The following ADAMTS10 variants were observed in gnomAD, a reference collection of about 807,000 sequenced individuals.
ADAMTS10 encodes A disintegrin and metalloproteinase with thrombospondin motifs 10.
A neutral mutation model predicts 135.9 loss-of-function variants in ADAMTS10; 48 were observed. That is an observed-to-expected ratio of 0.35 (90% CI 0.28 to 0.45). The LOEUF (loss-of-function observed/expected upper bound fraction) is 0.45. ADAMTS10 is among the 20% of genes least tolerant of loss of function. The pLI is 1.00. For synonymous variants in ADAMTS10, 621 were observed against 647.5 expected (o/e 0.96, Z 0.62); for missense variants, 1,131 against 1,565.2 (o/e 0.72, Z 4.68).
intron 25 of ADAMTS10, among the ~76,000 whole-genome samples, chr19:8,582,948 C>A (rs1308173341): frequency 1.3e-5 from 2 of 152,120 alleles, no homozygotes; most frequent in Admixed American, 6.6e-5. Context: ...CCACGCCCAG[C>A]CTAATTTTAT....
intron 25 of ADAMTS10, among the ~76,000 whole-genome samples, chr19:8,581,946 G>C (rs898260821): frequency 5.3e-5 from 8 of 151,910 alleles, no homozygotes; most frequent in African/African-American, 1.9e-4. Context: ...CTGGAGGATC[G>C]CTTGAGCCCA....
At chr19:8,602,379 C>T (rs190900944) in intron 5 of ADAMTS10, among the ~76,000 whole-genome samples, 1 of 152,020 alleles carries the variant, frequency 6.6e-6, no homozygotes, top group Non-Finnish European at 1.5e-5. Flanking sequence ...AGTGCAATGG[C>T]GAAATCTCAA....
rs2042606878 is a variant in ADAMTS10, at chr19:8,596,479, C to T, written c.1084+63G>A. On this transcript the variant is annotated intron_variant, in intron 9 of 25. Transcript: ENST00000597188. This position sits in a 1 kb window ranked among gnomAD's most constrained non-coding sequence, Gnocchi z 7.2. ...GACGGTGCTGGCTGGCCCCATCCAC[C>T]TGCCAGGTCTCACCCCAGCCCACTG... 3.1e-6 allele frequency: 5 copies of T among 1,612,436 alleles called. No individual in the cohort carries two copies. The Admixed American group carries it at 6.7e-5, about 22-fold the overall frequency.
At chr19:8,584,838 CTG>C in intron 25 of ADAMTS10, 55 bp downstream of exon 25, 2 of 1,544,616 alleles carry the variant, frequency 1.3e-6, no homozygotes, top group South Asian at 2.4e-5. Context: ...CCAATGCCCT[CTG>C]TGGCTGCCTC....
At chr19:8,586,528 G>T in intron 20 of ADAMTS10, 30 bp downstream of exon 20, 2 of 1,613,070 alleles carry the variant, frequency 1.2e-6, no homozygotes, top group Non-Finnish European at 1.7e-6. Flanking sequence ...AATTCCAAAG[G>T]CTGCACCTTG....
intron 22 of ADAMTS10, among the ~76,000 whole-genome samples, 193 bp from the exon 23 acceptor site, chr19:8,585,853 C>T (rs2146040871): frequency 6.6e-6 from 1 of 152,268 alleles, no homozygotes; most frequent in East Asian, 1.9e-4. Flanking sequence ...GGTGCATTAC[C>T]CTAAGGAGAA....
At chr19:8,595,628 G>T in intron 12 of ADAMTS10, 134 bp downstream of exon 12, 2 of 1,396,374 alleles carry the variant, frequency 1.4e-6, no homozygotes, top group Non-Finnish European at 9.9e-7. Context: ...AGGTCACCAT[G>T]GGGGCTCACC....
chr19:8,590,510 G>T (rs2042509008), intron 15 of ADAMTS10, among the ~76,000 whole-genome samples: 1 of 151,994 alleles, frequency 6.6e-6, no homozygotes, highest in Non-Finnish European at 1.5e-5. Context: ...CCTAGTTGGA[G>T]TGCAGTGACA....
intron 22 of ADAMTS10, 121 bp downstream of exon 22, chr19:8,586,001 C>G: frequency 6.6e-7 from 1 of 1,511,106 alleles, no homozygotes; most frequent in Non-Finnish European, 9.0e-7. Context: ...CTGCAGCACT[C>G]GGCCCACTGT....
intron 18 of ADAMTS10, 103 bp downstream of exon 18, chr19:8,589,139 G>A: frequency 4.4e-6 from 7 of 1,578,438 alleles, no homozygotes; most frequent in African/African-American, 1.3e-5. Context: ...GGGGCCCCTG[G>A]GGTCTGAGGA....
At position 8,585,069 on chromosome 19, in the gene ADAMTS10, C is replaced by A; in HGVS notation, c.3043-15G>T. 7.8e-7 allele frequency: 1 copy of A among 1,285,062 alleles called. No individual in the cohort carries two copies. Among genetic ancestry groups the A allele is most frequent in the Non-Finnish European group, 1.1e-6 (1 of 951,180 alleles). 79.6% of individuals were successfully genotyped at this position (1,285,062 alleles called of 1,614,324 possible). A position where few individuals can be genotyped will look rare whatever the true frequency, so the allele number is the denominator to read the frequency against. On this transcript the variant is annotated splice_polypyrimidine_tract_variant and intron_variant, in intron 24 of 25. Transcript: ENST00000597188. Reference sequence around the variant, plus strand: ...TGTGCAGAGCACTGCGAGGGGGCACCACTCAGTTGCTGCCCCGCAGCCCCT... The same window carrying A: ...TGTGCAGAGCACTGCGAGGGGGCACAACTCAGTTGCTGCCCCGCAGCCCCT...
rs374050759 is a variant in ADAMTS10, at chr19:8,605,600, C to T, written c.88+23G>A. The T allele has an allele frequency of 1.1e-5, 17 of 1,611,562 alleles. No individual in the cohort carries two copies. The highest frequency in any genetic ancestry group is 1.7e-4 in the Middle Eastern group (1 of 6,056). On this transcript the variant is annotated intron_variant, in intron 3 of 25. Coordinates refer to ENST00000597188, the MANE Select transcript of ADAMTS10 (RefSeq NM_030957.4). This position sits in a 1 kb window ranked among gnomAD's most constrained non-coding sequence, Gnocchi z 7.7. Reference sequence around the variant, plus strand: ...CTTACATTTTTCGCTCCCTCCCCACCGCCACCACCAGACTTCCCCTACCTT... The same window carrying T: ...CTTACATTTTTCGCTCCCTCCCCACTGCCACCACCAGACTTCCCCTACCTT...
chr19:8,600,897 G>A, intron 6 of ADAMTS10, 31 bp downstream of exon 6: 1 of 1,613,016 alleles, frequency 6.2e-7, no homozygotes. Flanking sequence ...AGTCCTCAGG[G>A]CTGCGTGCCC....
Position 8,596,492 on chromosome 19 carries a change from C to T in ADAMTS10, c.1084+50G>A. 1 of 1,613,594 alleles carries T rather than the reference C, an allele frequency of 6.2e-7. No homozygotes were observed. The highest frequency in any genetic ancestry group is 8.5e-7 in the Non-Finnish European group (1 of 1,179,620). On this transcript the variant is annotated intron_variant, in intron 9 of 25. Transcript: ENST00000597188. This position sits in a 1 kb window ranked among gnomAD's most constrained non-coding sequence, Gnocchi z 7.2. ...GGCCCCATCCACCTGCCAGGTCTCA[C>T]CCCAGCCCACTGCCTTCATAGGCGC... is the stretch of plus-strand genomic sequence containing the variant.
chr19:8,592,386 TG>T (rs1244603382), intron 13 of ADAMTS10, among the ~76,000 whole-genome samples: 1 of 147,054 alleles, frequency 6.8e-6, no homozygotes, highest in African/African-American at 2.5e-5. Flanking sequence ...GGCTTCAGGC[TG>T]GGGAGGGGAG....
chr19:8,596,262 G>T lies in ADAMTS10; in HGVS notation c.1191-43C>A. 6.2e-7 allele frequency: 1 copy of T among 1,612,616 alleles called. No homozygotes were observed. Among genetic ancestry groups the T allele is most frequent in the Non-Finnish European group, 8.5e-7 (1 of 1,179,994 alleles). Reference sequence around the variant, plus strand: ...GGCTCTGCCGGGCGCTGAGGGACCCGCCCAGCTCCTCCCCTCCTCCCCCTC... The same window carrying T: ...GGCTCTGCCGGGCGCTGAGGGACCCTCCCAGCTCCTCCCCTCCTCCCCCTC... On this transcript the variant is annotated intron_variant, in intron 10 of 25. Coordinates refer to ENST00000597188, the MANE Select transcript of ADAMTS10 (RefSeq NM_030957.4). The surrounding 1 kb of genome is among the most constrained non-coding windows in gnomAD (Gnocchi z 7.2).
rs368465218 is a variant in ADAMTS10 at position 8,592,874 on chromosome 19, C to A, written c.1480-4G>T. The A allele has an allele frequency of 1.0e-4, 168 of 1,609,424 alleles. No homozygotes were observed. The highest frequency in any genetic ancestry group is 1.4e-4 in the Non-Finnish European group (160 of 1,179,338). ...ACCACAGCTCGCTGCAGACCTCCTG[C>A]GGGCCGAGGTGCCCGCTCAGGCTCG... On this transcript the variant is annotated splice_polypyrimidine_tract_variant and splice_region_variant and intron_variant, in intron 12 of 25. Transcript: ENST00000597188.
chr19:8,594,803 G>A (rs1192202501), intron 12 of ADAMTS10, among the ~76,000 whole-genome samples: 1 of 152,188 alleles, frequency 6.6e-6, no homozygotes, highest in Non-Finnish European at 1.5e-5. Context: ...GGATACCTGG[G>A]TCACAGCAGA....
chr19:8,609,263 C>T (rs929379099), intron 1 of ADAMTS10, among the ~76,000 whole-genome samples: 6 of 134,262 alleles, frequency 4.5e-5, no homozygotes, highest in African/African-American at 1.5e-4. Context: ...TGTGTGTACC[C>T]AGGCCTGGCC....
Sources: allele counts gnomAD v4.1 joint callset (sites outside exome capture counted in the v4.1 genomes callset), GRCh38; gene constraint gnomAD v4.1.1; non-coding constraint Gnocchi (gnomAD v3.1); transcripts MANE v1.5; gene names NCBI Gene and HGNC (gene_info 2026-07-23, HGNC 2026-07-21).